Variants in MSRA observed in about 807,000 individuals in gnomAD.
The protein encoded by MSRA is methionine sulfoxide reductase A.
In MSRA, 54 loss-of-function variants were observed where a neutral mutation model predicts 31.3. The observed-to-expected ratio is 1.73, with a 90% CI of 1.39 to 2.17. The LOEUF is 2.17. Ranked by LOEUF, MSRA falls within the 30% of genes most tolerant of loss-of-function variation. The probability of loss-of-function intolerance (pLI) is 0.00; values close to 1 mark genes in which losing one functional copy is unlikely to be tolerated. For missense variants in MSRA, 507 were observed against 300.9 expected (o/e 1.69, Z -5.07); for synonymous variants, 169 against 116.5 (o/e 1.45, Z -2.90).
chr8:10,213,984 C>T (rs1468358162), intron 2 of MSRA, among the ~76,000 whole-genome samples: 1 of 152,080 alleles, frequency 6.6e-6, no homozygotes, highest in Non-Finnish European at 1.5e-5. Flanking sequence ...AGCAGAAGTA[C>T]CTCTGCAAAT....
chr8:10,337,879 GCA>G, intron 5 of MSRA: 1 of 694,162 alleles, frequency 1.4e-6, no homozygotes, highest in South Asian at 1.5e-5. Context: ...CCTCACAAAT[GCA>G]CACATTCTTT....
chr8:10,289,629 A>G (rs1800125377), intron 3 of MSRA, among the ~76,000 whole-genome samples: 1 of 152,320 alleles, frequency 6.6e-6, no homozygotes, highest in South Asian at 2.1e-4. Context: ...CATCGCATGG[A>G]GAGTTTAGAA....
chr8:10,096,123 A>C lies in MSRA; in HGVS notation c.142+41465A>C, dbSNP rs796107701. On this transcript the variant is annotated intron_variant, in intron 1 of 5. Transcript: ENST00000317173. ...TTTCAAGGAGCCTTTCTAAGATTTT[A>C]TGCAGCCCAGCCAGGAAGTCAGAGT... 3.2e-5 allele frequency: 41 copies of C among 1,278,034 alleles called. No homozygotes were observed. The African/African-American group carries it at 5.8e-4, about 18-fold the overall frequency. The allele number at this position is 1,278,034 out of a possible 1,614,324, so 79.2% of individuals were successfully genotyped here. A position where few individuals can be genotyped will look rare whatever the true frequency, so the allele number is the denominator to read the frequency against.
At chr8:10,405,742 TTCACACACACCCATGTGC>T (rs1445556739) in intron 5 of MSRA, among the ~76,000 whole-genome samples, 2 of 151,778 alleles carry the variant, frequency 1.3e-5, no homozygotes, top group Admixed American at 6.6e-5. Flanking sequence ...CACACGTGTG[TTCACACACACCCATGTGC>T]TCACACACAC....
At chr8:10,187,022 T>G (rs573145064) in intron 1 of MSRA, among the ~76,000 whole-genome samples, 1 of 152,332 alleles carries the variant, frequency 6.6e-6, no homozygotes, top group African/African-American at 2.4e-5. Context: ...TTTCATGAAG[T>G]GTTTCTTTCA....
At chr8:10,308,734 G>A (rs1290422466) in intron 4 of MSRA, among the ~76,000 whole-genome samples, 1 of 152,136 alleles carries the variant, frequency 6.6e-6, no homozygotes, top group East Asian at 1.9e-4. Context: ...TCCATTCCTG[G>A]AAGACTTGAG....
chr8:10,308,038 G>A (rs1392854014), intron 4 of MSRA, among the ~76,000 whole-genome samples: 1 of 152,214 alleles, frequency 6.6e-6, no homozygotes, highest in Non-Finnish European at 1.5e-5. Flanking sequence ...TGGGGCTGAA[G>A]TGGTGGACCA....
At chr8:10,250,267 G>T (rs1347195845) in intron 3 of MSRA, among the ~76,000 whole-genome samples, 1 of 152,082 alleles carries the variant, frequency 6.6e-6, no homozygotes, top group East Asian at 1.9e-4. Context: ...TTGTAATAAC[G>T]ACTGTACAGA....
intron 1 of MSRA, among the ~76,000 whole-genome samples, chr8:10,160,621 C>T (rs1018234282): frequency 1.3e-5 from 2 of 152,108 alleles, no homozygotes; most frequent in Non-Finnish European, 2.9e-5. Context: ...CAACCTCTGC[C>T]ACCCAGGTTC....
rs183595267 is a variant in MSRA at position 10,250,736 on chromosome 8, A to G, written c.331+5513A>G. ...CTGTATGGTCTGCAAAACCTAAAAT[A>G]TTTACTGTCAGGTGCTTATGTGTCC... On this transcript the variant is annotated intron_variant, in intron 3 of 5. Transcript: ENST00000317173. The G allele has an allele frequency of 9.1e-4, 427 of 471,204 alleles. 2 individuals are homozygous for G. The highest frequency in any genetic ancestry group is 2.2e-3 in the Middle Eastern group (4 of 1,818). The allele number at this position is 471,204 out of a possible 1,614,324, so 29.2% of individuals were successfully genotyped here.
intron 5 of MSRA, among the ~76,000 whole-genome samples, chr8:10,371,139 G>A (rs1039843555): frequency 2.0e-5 from 3 of 152,126 alleles, no homozygotes; most frequent in African/African-American, 7.2e-5. Flanking sequence ...AGATGATTAG[G>A]GAAAAGCTTA....
chr8:10,223,144 C>T (rs921585964), intron 2 of MSRA, among the ~76,000 whole-genome samples: 1 of 152,058 alleles, frequency 6.6e-6, no homozygotes, highest in African/African-American at 2.4e-5. Context: ...CACGTCCTTC[C>T]TAGAGAGTAT....
At chr8:10,154,512 G>A (rs879330534) in intron 1 of MSRA, among the ~76,000 whole-genome samples, 17 of 152,142 alleles carry the variant, frequency 1.1e-4, no homozygotes, top group Non-Finnish European at 2.4e-4. Context: ...TGAGTAGCTG[G>A]TACTACAGGC....
At chr8:10,419,394 G>A (rs965711007) in intron 5 of MSRA, among the ~76,000 whole-genome samples, 4 of 151,806 alleles carry the variant, frequency 2.6e-5, no homozygotes, top group African/African-American at 7.2e-5. Context: ...TAACTGCTTT[G>A]GGTTTCCTGG....
intron 1 of MSRA, among the ~76,000 whole-genome samples, chr8:10,156,826 T>TTA (rs1554469608): frequency 3.3e-5 from 5 of 150,408 alleles, no homozygotes; most frequent in East Asian, 1.9e-4. Context: ...TTTTTTTTTT[T>TTA]AGCTTCATTC....
intron 1 of MSRA, among the ~76,000 whole-genome samples, chr8:10,180,217 C>G (rs1447954230): frequency 1.3e-5 from 2 of 152,174 alleles, no homozygotes. Flanking sequence ...GAATGGCTCA[C>G]AGATCTCAGA....
rs761380124 is a variant in MSRA, at chr8:10,071,109, A to G, written c.142+16451A>G. Among the ~76,000 whole-genome samples the G allele has an allele frequency of 8.1e-4, 123 of 152,222 alleles. 1 individual carries two copies. The highest frequency in any genetic ancestry group is 1.0e-3 in the Admixed American group (16 of 15,282). ...GTTTCCCAGAGTTCTTCAGTTTGAT[A>G]TTCCCACCAGCAACATATGAAGGAT... is the stretch of plus-strand genomic sequence containing the variant. On this transcript the variant is annotated intron_variant, in intron 1 of 5. Coordinates refer to ENST00000317173, the MANE Select transcript of MSRA (RefSeq NM_012331.5).
chr8:10,151,605 G>A (rs987308589), intron 1 of MSRA, among the ~76,000 whole-genome samples: 3 of 152,160 alleles, frequency 2.0e-5, no homozygotes, highest in East Asian at 1.9e-4. Flanking sequence ...AGCCCAGATC[G>A]CGCCACTGCA....
chr8:10,405,906 C>G (rs1404414784), intron 5 of MSRA, among the ~76,000 whole-genome samples: 1 of 152,246 alleles, frequency 6.6e-6, no homozygotes, highest in African/African-American at 2.4e-5. Context: ...ACACGCTGTA[C>G]TCACAGTGCA....
Sources: gnomAD v4.1 joint callset for allele counts (sites outside exome capture counted in the v4.1 genomes callset) on GRCh38, gnomAD v4.1.1 for gene constraint, MANE v1.5 for transcripts, NCBI Gene and HGNC (gene_info 2026-07-23, HGNC 2026-07-21) for gene names.